Variants in CYFIP1 observed in about 807,000 individuals in gnomAD.
CYFIP1 encodes the protein cytoplasmic FMR1 interacting protein 1.
In CYFIP1, 58 loss-of-function variants were observed where a neutral mutation model predicts 163.5. The ratio of observed to expected loss-of-function variants is 0.35; its 90% CI spans 0.29 to 0.44. CYFIP1 has a LOEUF of 0.44. Among genes scored for constraint, CYFIP1 ranks in the 20% least tolerant of loss-of-function variants. The probability of loss-of-function intolerance (pLI) is 1.00; values close to 1 mark genes in which losing one functional copy is unlikely to be tolerated. For missense variants in CYFIP1, 1,338 were observed against 1,653.8 expected (o/e 0.81, Z 3.31); for synonymous variants, 663 against 660.7 (o/e 1.00, Z -0.05).
chr15:22,867,466 A>C lies in CYFIP1; in HGVS notation c.*2562T>G, dbSNP rs1343020122. ...ATCACCGTGAATCCGGCTTCCTCTGAGCATTCGATGGCCTTAGCACCTCAT... is the reference window on the plus strand; with the variant it reads ...ATCACCGTGAATCCGGCTTCCTCTGCGCATTCGATGGCCTTAGCACCTCAT... On this transcript the variant is annotated 3_prime_UTR_variant, in exon 31 of 31. Coordinates refer to ENST00000617928, the MANE Select transcript of CYFIP1 (RefSeq NM_014608.6). The C allele has an allele frequency of 8.9e-6, 3 of 335,276 alleles. No individual in the cohort carries two copies. The highest frequency in any genetic ancestry group is 1.6e-5 in the Non-Finnish European group (3 of 187,822). 20.8% of individuals were successfully genotyped at this position (335,276 alleles called of 1,614,324 possible).
chr15:22,910,083 A>T (rs2060732651), intron 20 of CYFIP1, among the ~76,000 whole-genome samples: 1 of 152,178 alleles, frequency 6.6e-6, no homozygotes. Flanking sequence ...AATGCCTAAC[A>T]ATTTATAAGG....
In CYFIP1 at chr15:22,925,901, G is replaced by C. The variant is rs2061341724; in HGVS notation, c.1359+81C>G. The C allele has an allele frequency of 5.7e-6, 9 of 1,572,678 alleles. No homozygotes were observed. In the South Asian group the frequency reaches 1.0e-4, roughly 18 times the overall value. On this transcript the variant is annotated intron_variant, in intron 13 of 30. Coordinates refer to ENST00000617928, the MANE Select transcript of CYFIP1 (RefSeq NM_014608.6). ...AAGCAATGAGTAAACAGGCAGTTTT[G>C]TTCATGTTTTTGCTTTTGACAGAGA...
At chr15:22,955,629 G>A (rs1247129608) in intron 1 of CYFIP1, among the ~76,000 whole-genome samples, 1 of 152,200 alleles carries the variant, frequency 6.6e-6, no homozygotes, top group Non-Finnish European at 1.5e-5. Flanking sequence ...GGCAAAGGAG[G>A]CATGCACCAG....
At chr15:22,870,792 T>C (rs1368562414) in intron 30 of CYFIP1, among the ~76,000 whole-genome samples, 3 of 152,182 alleles carry the variant, frequency 2.0e-5, no homozygotes, top group East Asian at 1.9e-4. Context: ...CAGATGAAGA[T>C]GATGTGGTCA....
At chr15:22,886,879 T>C (rs752466586) in intron 23 of CYFIP1, among the ~76,000 whole-genome samples, 1 of 152,180 alleles carries the variant, frequency 6.6e-6, no homozygotes, top group Non-Finnish European at 1.5e-5. Flanking sequence ...AAAATGAGAG[T>C]TGAAGTCCCC....
rs184049082 is a variant in CYFIP1, at chr15:22,915,653, G to C, written c.1829-771C>G. Among the ~76,000 whole-genome samples, 21 of 152,256 alleles carry C rather than the reference G, an allele frequency of 1.4e-4. No homozygotes were observed. In the East Asian group the frequency reaches 4.1e-3, roughly 29 times the overall value. On this transcript the variant is annotated intron_variant, in intron 16 of 30. Coordinates refer to ENST00000617928, the MANE Select transcript of CYFIP1 (RefSeq NM_014608.6). The stretch of plus-strand genomic sequence containing the variant: ...AATCCCAGCTACTTGGGAGGCTGAG[G>C]GAGGAGAATCTCTTGAACCTGGGAG...
intron 3 of CYFIP1, 59 bp downstream of exon 3, chr15:22,946,944 T>C: frequency 7.0e-7 from 1 of 1,425,688 alleles, no homozygotes; most frequent in Non-Finnish European, 9.9e-7. Context: ...AAAGTATACA[T>C]CTGTCCTTCA....
rs571760306 is a variant in CYFIP1, at chr15:22,917,781, C to T, written c.1674+7G>A. 1.3e-5 allele frequency: 21 copies of T among 1,596,868 alleles called. No homozygotes were observed. The East Asian group carries it at 1.3e-4, about 10-fold the overall frequency. On this transcript the variant is annotated splice_region_variant and intron_variant, in intron 15 of 30. Coordinates refer to ENST00000617928, the MANE Select transcript of CYFIP1 (RefSeq NM_014608.6). This position sits in a 1 kb window ranked among gnomAD's most constrained non-coding sequence, Gnocchi z 4.2. ...GAGGGTGCAGGCGGGGCTCAAGGGA[C>T]GAGAACCTGAGTGCTGGAGGGTCCC...
intron 1 of CYFIP1, among the ~76,000 whole-genome samples, chr15:22,975,942 T>C (rs1008537485): frequency 1.3e-5 from 2 of 152,122 alleles, no homozygotes; most frequent in African/African-American, 4.8e-5. Flanking sequence ...TATTTTTAAA[T>C]TGGAATTGGG....
At position 22,932,391 on chromosome 15, in the gene CYFIP1, C is replaced by T. The variant is rs372455359; in HGVS notation, c.993-51G>A. ...TACCTGCGGAGGCGCCGGCAGGCCA[C>T]AGCACTGGGGCAGCTCAGGACGCCT... On this transcript the variant is annotated intron_variant, in intron 10 of 30. Transcript: ENST00000617928. The T allele has an allele frequency of 4.6e-5, 63 of 1,377,056 alleles. 1 individual carries two copies. The highest frequency in any genetic ancestry group is 1.8e-4 in the Middle Eastern group (1 of 5,460). The allele number at this position is 1,377,056 out of a possible 1,614,324, so 85.3% of individuals were successfully genotyped here. A position where few individuals can be genotyped will look rare whatever the true frequency, so the allele number is the denominator to read the frequency against.
chr15:22,917,520 T>G lies in CYFIP1; in HGVS notation c.1674+268A>C, dbSNP rs762601732. 7.2e-5 allele frequency: 40 copies of G among 553,268 alleles called. No homozygotes were observed. Among genetic ancestry groups the G allele is most frequent in the Admixed American group, 3.8e-5 (1 of 26,624 alleles). The allele number at this position is 553,268 out of a possible 1,614,324, so 34.3% of individuals were successfully genotyped here. A position where few individuals can be genotyped will look rare whatever the true frequency, so the allele number is the denominator to read the frequency against. Reference sequence around the variant, plus strand: ...GAATGAATACAGACACGTGGACTTGTGCCCACATTTTTGGGATGGGAGTTG... The same window carrying G: ...GAATGAATACAGACACGTGGACTTGGGCCCACATTTTTGGGATGGGAGTTG... On this transcript the variant is annotated intron_variant, in intron 15 of 30. Coordinates refer to ENST00000617928, the MANE Select transcript of CYFIP1 (RefSeq NM_014608.6). This position sits in a 1 kb window ranked among gnomAD's most constrained non-coding sequence, Gnocchi z 4.2.
At position 22,917,371 on chromosome 15, in the gene CYFIP1, G is replaced by C. The variant is rs1566969648; in HGVS notation, c.1674+417C>G. 5.3e-6 allele frequency: 6 copies of C among 1,124,014 alleles called. No individual in the cohort carries two copies. Among genetic ancestry groups the C allele is most frequent in the Non-Finnish European group, 3.4e-6 (3 of 875,792 alleles). 69.6% of individuals were successfully genotyped at this position (1,124,014 alleles called of 1,614,324 possible). ...CCTGAACACACCAGGAGAGAGGACA[G>C]TGGGCAGCTTAGGACCATGACACAC... On this transcript the variant is annotated intron_variant, in intron 15 of 30. Transcript: ENST00000617928. The surrounding 1 kb of genome is among the most constrained non-coding windows in gnomAD (Gnocchi z 4.2).
chr15:22,918,018 C>T (rs2061051225), intron 14 of CYFIP1, 83 bp from the exon 15 acceptor site: 1 of 1,485,628 alleles, frequency 6.7e-7, no homozygotes, highest in Non-Finnish European at 9.1e-7. Flanking sequence ...CACCCAACTA[C>T]AAGGCTCTCA....
intron 23 of CYFIP1, among the ~76,000 whole-genome samples, chr15:22,886,226 T>G (rs1469187564): frequency 6.6e-6 from 1 of 152,218 alleles, no homozygotes; most frequent in East Asian, 1.9e-4. Flanking sequence ...TCATGGGGGT[T>G]ATGAGGATTA....
chr15:22,976,252 G>A (rs899271274), intron 1 of CYFIP1, among the ~76,000 whole-genome samples: 3 of 152,032 alleles, frequency 2.0e-5, no homozygotes, highest in African/African-American at 7.2e-5. Flanking sequence ...CCGCCTCCCG[G>A]GTTCAGGCGA....
At chr15:22,957,990 C>T (rs2062537434) in intron 1 of CYFIP1, among the ~76,000 whole-genome samples, 1 of 152,140 alleles carries the variant, frequency 6.6e-6, no homozygotes, top group South Asian at 2.1e-4. Flanking sequence ...GGCCTGACCG[C>T]ACGGCTGCAG....
intron 12 of CYFIP1, among the ~76,000 whole-genome samples, chr15:22,927,483 CAAAAAA>C (rs1188331935): frequency 1.7e-5 from 1 of 57,480 alleles, no homozygotes; most frequent in African/African-American, 5.8e-5. Flanking sequence ...AACTCCGTCT[CAAAAAA>C]AAAAAAAAAA....
chr15:22,922,579 G>A (rs1032530303), intron 13 of CYFIP1, among the ~76,000 whole-genome samples: 1 of 152,218 alleles, frequency 6.6e-6, no homozygotes, highest in East Asian at 1.9e-4. Flanking sequence ...CAGCCAGTCA[G>A]GGGGATGGAG....
chr15:22,875,885 C>CATACATACATATATATAT (rs56999943), intron 26 of CYFIP1, among the ~76,000 whole-genome samples: 23 of 130,844 alleles, frequency 1.8e-4, no homozygotes, highest in East Asian at 8.1e-4. Context: ...TCCAGAATAA[C>CATACATACATATATATAT]ATATATATAT....
Sources: allele counts gnomAD v4.1 joint callset (sites outside exome capture counted in the v4.1 genomes callset), GRCh38; gene constraint gnomAD v4.1.1; non-coding constraint Gnocchi (gnomAD v3.1); transcripts MANE v1.5; gene names NCBI Gene and HGNC (gene_info 2026-07-23, HGNC 2026-07-21).